The following FAP variants were observed in gnomAD, a reference collection of about 807,000 sequenced individuals.
The protein encoded by FAP is fibroblast activation protein alpha.
A neutral mutation model predicts 126.5 loss-of-function variants in FAP; 110 were observed. That is an observed-to-expected ratio of 0.87 (90% CI 0.74 to 1.02). FAP has a LOEUF of 1.02. FAP is among the 50% of genes least tolerant of loss of function. The probability of loss-of-function intolerance (pLI) is 0.00; values close to 1 mark genes in which losing one functional copy is unlikely to be tolerated. For synonymous variants in FAP, 334 were observed against 297.3 expected (o/e 1.12, Z -1.27); for missense variants, 919 against 909.2 (o/e 1.01, Z -0.14).
chr2:162,185,509 C>A (rs1008781617), intron 20 of FAP, among the ~76,000 whole-genome samples: 2 of 152,086 alleles, frequency 1.3e-5, no homozygotes, highest in South Asian at 4.1e-4. Context: ...CTAAAGAAAG[C>A]GGGTTCCAGT....
At chr2:162,214,192 G>A (rs749851865) in intron 10 of FAP, 119 bp from the exon 11 acceptor site, 477 of 781,258 alleles carry the variant, frequency 6.1e-4, no homozygotes, top group Non-Finnish European at 7.9e-4. Flanking sequence ...TATTTAATAG[G>A]TAAGCAAGAC....
intron 11 of FAP, among the ~76,000 whole-genome samples, chr2:162,210,897 GA>G (rs1246530485): frequency 1.3e-5 from 2 of 152,186 alleles, no homozygotes; most frequent in African/African-American, 4.8e-5. Context: ...CAAATCCTCA[GA>G]AATAAGTCTG....
chr2:162,211,521 C>T (rs1186506827), intron 11 of FAP, among the ~76,000 whole-genome samples: 3 of 152,034 alleles, frequency 2.0e-5, no homozygotes, highest in African/African-American at 7.2e-5. Flanking sequence ...GTCAATGAAG[C>T]AGAAGGAGAA....
At chr2:162,243,041 G>T in intron 1 of FAP, 49 bp from the exon 2 acceptor site, 2 of 1,450,304 alleles carry the variant, frequency 1.4e-6, no homozygotes, top group Non-Finnish European at 1.9e-6. Flanking sequence ...CTGCTAAATA[G>T]TAGAAATGGC....
At chr2:162,236,039 A>G (rs756897951) in intron 2 of FAP, among the ~76,000 whole-genome samples, 2 of 152,074 alleles carry the variant, frequency 1.3e-5, no homozygotes, top group Admixed American at 6.5e-5. Context: ...CATTTTGTCA[A>G]ATCCTTTTTC....
intron 22 of FAP, among the ~76,000 whole-genome samples, chr2:162,174,321 C>T (rs887418037): frequency 1.3e-5 from 2 of 152,130 alleles, no homozygotes; most frequent in Non-Finnish European, 2.9e-5. Flanking sequence ...TCTGATGAAG[C>T]TAATTTTTGT....
chr2:162,215,973 A>G lies in FAP; in HGVS notation c.791T>C (p.Ile264Thr). 1 of 1,614,110 alleles carries G rather than the reference A, an allele frequency of 6.2e-7. No individual in the cohort carries two copies. Among genetic ancestry groups the G allele is most frequent in the East Asian group, 2.2e-5 (1 of 44,884 alleles). The part of the protein sequence containing the change: ...KAGAKNPVVR[I>T]FIIDTTYPAY... Reference sequence around the variant, plus strand: ...AGGGTAAGTGGTATCGATAATAAATATCCGAACAACGGGATTCTTAGCTCC... The same window carrying G: ...AGGGTAAGTGGTATCGATAATAAATGTCCGAACAACGGGATTCTTAGCTCC... Residue 264 changes from isoleucine (I) to threonine (T), a missense_variant, in exon 10 of 26, where the codon ATA becomes ACA. Physicochemically the swap from Ile to Thr is moderately conservative, Grantham distance 89 (BLOSUM62 -1). Coordinates refer to ENST00000188790, the MANE Select transcript of FAP (RefSeq NM_004460.5).
chr2:162,235,530 G>A (rs1008286480), intron 2 of FAP, among the ~76,000 whole-genome samples: 2 of 152,234 alleles, frequency 1.3e-5, no homozygotes, highest in Non-Finnish European at 2.9e-5. Context: ...TTGACACTCT[G>A]TATCTAGGCA....
chr2:162,171,198 G>A, intron 25 of FAP, 118 bp from the exon 26 acceptor site: 1 of 671,336 alleles, frequency 1.5e-6, no homozygotes, highest in Non-Finnish European at 2.6e-6. Flanking sequence ...CTGTACCTAA[G>A]AACACTCAAA....
At chr2:162,217,701 GA>G (rs956721664) in intron 9 of FAP, among the ~76,000 whole-genome samples, 11 of 152,054 alleles carry the variant, frequency 7.2e-5, no homozygotes, top group African/African-American at 1.2e-4. Context: ...CATGAAATAT[GA>G]AAAAAATTAA....
At chr2:162,227,012 C>G (rs1689681887) in intron 2 of FAP, among the ~76,000 whole-genome samples, 1 of 152,086 alleles carries the variant, frequency 6.6e-6, no homozygotes, top group African/African-American at 2.4e-5. Context: ...GGATTACAGA[C>G]CATGTAGGTT....
intron 7 of FAP, 43 bp downstream of exon 7, chr2:162,219,810 T>G: frequency 2.2e-6 from 3 of 1,381,646 alleles, no homozygotes; most frequent in Non-Finnish European, 3.1e-6. Flanking sequence ...ATGGCTCCTC[T>G]TTTATTTACA....
intron 15 of FAP, among the ~76,000 whole-genome samples, chr2:162,200,220 AC>A (rs1296815831): frequency 6.6e-6 from 1 of 152,222 alleles, no homozygotes; most frequent in Non-Finnish European, 1.5e-5. Context: ...CAGAATAAAA[AC>A]AATGCCTGGT....
rs1687280829 is a variant in FAP at position 162,170,917 on chromosome 2, A to T, written c.*62T>A. ...ACAACATAAAAAATAAAATAAGCAA[A>T]CTGTCTGAGGGGTTTATATAAGGTT... is the stretch of plus-strand genomic sequence containing the variant. On this transcript the variant is annotated 3_prime_UTR_variant, in exon 26 of 26. Coordinates refer to ENST00000188790, the MANE Select transcript of FAP (RefSeq NM_004460.5). 8.4e-7 allele frequency: 1 copy of T among 1,196,440 alleles called. No homozygotes were observed. The highest frequency in any genetic ancestry group is 1.2e-6 in the Non-Finnish European group (1 of 819,548). 74.1% of individuals were successfully genotyped at this position (1,196,440 alleles called of 1,614,324 possible).
rs368493048 is a variant in FAP, at chr2:162,210,023, A to G, written c.1003-27T>C. On this transcript the variant is annotated intron_variant, in intron 11 of 25. Transcript: ENST00000188790. ...TAAAAGACAAAAGATCACATCGAAC[A>G]TAGTATTAGGAGAACATTTTTTTCC... 1.9e-5 allele frequency: 31 copies of G among 1,604,898 alleles called. No homozygotes were observed. In the African/African-American group the frequency reaches 3.2e-4, roughly 17 times the overall value.
At chr2:162,179,955 C>T (rs1687640844) in intron 21 of FAP, among the ~76,000 whole-genome samples, 3 of 151,840 alleles carry the variant, frequency 2.0e-5, no homozygotes, top group Admixed American at 2.0e-4. Flanking sequence ...ATTACAGGCA[C>T]ATGCCACCAT....
rs1263361660 is a variant in FAP at position 162,189,071 on chromosome 2, A to G, written c.1619+32T>C. The G allele has an allele frequency of 2.9e-6, 4 of 1,370,118 alleles. No homozygotes were observed. In the Admixed American group the frequency reaches 5.4e-5, roughly 19 times the overall value. The allele number at this position is 1,370,118 out of a possible 1,614,324, so 84.9% of individuals were successfully genotyped here. The stretch of plus-strand genomic sequence containing the variant: ...ATTTCATCTAACATATTTTCAGTAA[A>G]TAGTTTTTACACCAAAGAAAATATT... On this transcript the variant is annotated intron_variant, in intron 19 of 25. Transcript: ENST00000188790.
intron 2 of FAP, among the ~76,000 whole-genome samples, chr2:162,241,319 A>C (rs1690335876): frequency 6.6e-6 from 1 of 152,240 alleles, no homozygotes; most frequent in South Asian, 2.1e-4. Context: ...ACGTATATTT[A>C]TATGTAAGCT....
At chr2:162,205,732 C>T (rs987728822) in intron 12 of FAP, among the ~76,000 whole-genome samples, 8 of 152,096 alleles carry the variant, frequency 5.3e-5, no homozygotes, top group East Asian at 1.9e-4. Context: ...AGGCTGGTCT[C>T]GAACTCCTGA....
Sources: gnomAD v4.1 joint callset for allele counts (sites outside exome capture counted in the v4.1 genomes callset) on GRCh38, gnomAD v4.1.1 for gene constraint, MANE v1.5 for transcripts, NCBI Gene and HGNC (gene_info 2026-07-23, HGNC 2026-07-21) for gene names.